SLC26A5: variants seen among roughly 807,000 people sequenced by gnomAD.
The protein encoded by SLC26A5 is solute carrier family 26 member 5, also known as prestin.
Under a neutral mutation model 81.0 loss-of-function variants are expected in SLC26A5, and 51 were observed. The observed-to-expected ratio is 0.63, with a 90% CI of 0.50 to 0.80. The LOEUF is 0.80. SLC26A5 is among the 30% of genes least tolerant of loss of function. SLC26A5 has a pLI of 0.00. For missense variants in SLC26A5, 771 were observed against 905.8 expected (o/e 0.85, Z 1.91); for synonymous variants, 325 against 332.8 (o/e 0.98, Z 0.25).
intron 8 of SLC26A5, among the ~76,000 whole-genome samples, chr7:103,398,265 C>T (rs151082449): frequency 4.6e-5 from 7 of 152,120 alleles, no homozygotes; most frequent in African/African-American, 1.7e-4. Flanking sequence ...TATACTAAGG[C>T]GTCTGGCTAG....
At chr7:103,379,972 C>G (rs1421445405) in intron 15 of SLC26A5, among the ~76,000 whole-genome samples, 2 of 152,100 alleles carry the variant, frequency 1.3e-5, no homozygotes, top group East Asian at 3.9e-4. Flanking sequence ...AGAATTTCTT[C>G]CCAAGCATAA....
At chr7:103,439,721 A>G (rs1007503213) in intron 2 of SLC26A5, among the ~76,000 whole-genome samples, 2 of 152,136 alleles carry the variant, frequency 1.3e-5, no homozygotes, top group African/African-American at 4.8e-5. Flanking sequence ...TTTAGTAGAA[A>G]TGGGATTTCA....
At chr7:103,419,559 A>G (rs1825175054) in intron 4 of SLC26A5, among the ~76,000 whole-genome samples, 2 of 150,184 alleles carry the variant, frequency 1.3e-5, no homozygotes, top group South Asian at 2.1e-4. Flanking sequence ...TTTTTTTCCA[A>G]TAGAGTCTTG....
chr7:103,410,308 G>T, intron 7 of SLC26A5, 77 bp downstream of exon 7: 1 of 1,272,742 alleles, frequency 7.9e-7, no homozygotes. Context: ...AGTCTTGAAA[G>T]TAAAAAGAGA....
At chr7:103,404,166 A>ATTGTC (rs1823837858) in intron 8 of SLC26A5, among the ~76,000 whole-genome samples, 1 of 152,096 alleles carries the variant, frequency 6.6e-6, no homozygotes, top group African/African-American at 2.4e-5. Context: ...CTGGGGGACA[A>ATTGTC]GAGCAAGACT....
intron 2 of SLC26A5, among the ~76,000 whole-genome samples, chr7:103,435,963 T>C (rs777943832): frequency 9.2e-5 from 14 of 152,288 alleles, no homozygotes; most frequent in African/African-American, 3.4e-4. Context: ...TTTTGTAAAC[T>C]GGGCATTTGT....
At chr7:103,354,391 G>A (rs946478614) in intron 19 of SLC26A5, among the ~76,000 whole-genome samples, 3 of 139,364 alleles carry the variant, frequency 2.2e-5, no homozygotes, top group African/African-American at 5.4e-5. Context: ...TTTTTGAAAC[G>A]GAGTGTTGCT....
chr7:103,393,160 A>G (rs1822811429), intron 9 of SLC26A5, 94 bp from the exon 10 acceptor site: 4 of 1,454,608 alleles, frequency 2.7e-6, no homozygotes, highest in Admixed American at 1.9e-5. Context: ...GGGGGGCATT[A>G]TCTGCAAATG....
At chr7:103,426,062 T>C (rs1392241801) in intron 2 of SLC26A5, among the ~76,000 whole-genome samples, 2 of 152,370 alleles carry the variant, frequency 1.3e-5, no homozygotes, top group East Asian at 1.9e-4. Flanking sequence ...CAATGCATTA[T>C]AGCACTATCT....
intron 14 of SLC26A5, among the ~76,000 whole-genome samples, chr7:103,386,322 C>T (rs1030106764): frequency 2.0e-5 from 3 of 151,874 alleles, no homozygotes; most frequent in African/African-American, 7.3e-5. Context: ...AATCCCAGCA[C>T]TTTGGGAGTC....
At chr7:103,363,015 A>G (rs970116557) in intron 19 of SLC26A5, among the ~76,000 whole-genome samples, 2 of 151,950 alleles carry the variant, frequency 1.3e-5, no homozygotes, top group African/African-American at 4.8e-5. Context: ...ACTGGTTTCG[A>G]ACTCATGACC....
At chr7:103,393,309 C>T (rs557153432) in intron 9 of SLC26A5, among the ~76,000 whole-genome samples, 8 of 152,178 alleles carry the variant, frequency 5.3e-5, no homozygotes, top group Admixed American at 2.0e-4. Flanking sequence ...GATCAGATGC[C>T]GTTTTATTTA....
chr7:103,435,181 C>T (rs1261298380), intron 2 of SLC26A5: 2 of 152,088 alleles, frequency 1.3e-5, no homozygotes, highest in African/African-American at 4.8e-5. Flanking sequence ...TCTGATTGCT[C>T]TTTCTGAATA....
chr7:103,412,856 T>C (rs1824614970), intron 5 of SLC26A5, 146 bp downstream of exon 5: 1 of 669,736 alleles, frequency 1.5e-6, no homozygotes, highest in African/African-American at 1.8e-5. Flanking sequence ...TGGCCGAGTG[T>C]AGGTTTTTAA....
At chr7:103,360,270 C>T (rs1820303760) in intron 19 of SLC26A5, among the ~76,000 whole-genome samples, 1 of 152,058 alleles carries the variant, frequency 6.6e-6, no homozygotes, top group Non-Finnish European at 1.5e-5. Flanking sequence ...TAATGTGTCA[C>T]CTCTGGAAAT....
At chr7:103,385,489 G>A (rs942273098) in intron 14 of SLC26A5, among the ~76,000 whole-genome samples, 1 of 151,990 alleles carries the variant, frequency 6.6e-6, no homozygotes, top group Non-Finnish European at 1.5e-5. Flanking sequence ...GCCAAACCCA[G>A]TGCACCTCTA....
intron 4 of SLC26A5, among the ~76,000 whole-genome samples, chr7:103,417,167 C>T (rs534157237): frequency 2.0e-5 from 3 of 151,806 alleles, no homozygotes; most frequent in African/African-American, 4.8e-5. Context: ...GTCAAGAGAT[C>T]GAGACCATCC....
intron 2 of SLC26A5, among the ~76,000 whole-genome samples, chr7:103,431,563 T>G (rs1826087548): frequency 6.6e-6 from 1 of 152,212 alleles, no homozygotes; most frequent in African/African-American, 2.4e-5. Flanking sequence ...TGGGCTCAAG[T>G]GATCCTCCCA....
In SLC26A5 at chr7:103,367,529, A is replaced by G; in HGVS notation, c.2041+9279T>C. The G allele has an allele frequency of 6.2e-7, 1 of 1,614,178 alleles. No homozygotes were observed. The highest frequency in any genetic ancestry group is 8.5e-7 in the Non-Finnish European group (1 of 1,180,028). ...AGGCAATATTAAAGTGCTGATGGCC[A>G]CTAACAGACCTGATACTTTGGATCC... is the stretch of plus-strand genomic sequence containing the variant. On this transcript the variant is annotated intron_variant, in intron 19 of 19. Coordinates refer to the SLC26A5 transcript ENST00000339444. This position sits in a 1 kb window ranked among gnomAD's most constrained non-coding sequence, Gnocchi z 6.1.
Sources: gnomAD v4.1 joint callset for allele counts (sites outside exome capture counted in the v4.1 genomes callset) on GRCh38, gnomAD v4.1.1 for gene constraint, Gnocchi (gnomAD v3.1) non-coding constraint, MANE v1.5 for transcripts, NCBI Gene and HGNC (gene_info 2026-07-23, HGNC 2026-07-21) for gene names.